The following MBTD1 variants were observed in gnomAD, a reference collection of about 807,000 sequenced individuals.
MBTD1 encodes MBT domain-containing protein 1.
Under a neutral mutation model 87.8 loss-of-function variants are expected in MBTD1, and 24 were observed. That is an observed-to-expected ratio of 0.27 (90% confidence interval 0.20 to 0.38). The LOEUF is 0.38. Among genes scored for constraint, MBTD1 ranks in the 10% least tolerant of loss-of-function variants. The probability of loss-of-function intolerance (pLI) is 1.00; values close to 1 mark genes in which losing one functional copy is unlikely to be tolerated. For synonymous variants in MBTD1, 237 were observed against 248.6 expected (o/e 0.95, Z 0.44); for missense variants, 436 against 760.2 (o/e 0.57, Z 5.02).
chr17:51,213,684 T>A (rs1031565860), intron 6 of MBTD1, among the ~76,000 whole-genome samples: 1 of 152,230 alleles, frequency 6.6e-6, no homozygotes, highest in African/African-American at 2.4e-5. Flanking sequence ...ATTTTAAAGA[T>A]GCCTTCTAGC....
chr17:51,220,550 C>A (rs966625686), intron 3 of MBTD1, 87 bp from the exon 4 acceptor site: 49 of 1,282,354 alleles, frequency 3.8e-5, no homozygotes, highest in Non-Finnish European at 4.7e-5. Flanking sequence ...CTCCTGCCAT[C>A]TGAAAGTTTT....
chr17:51,241,267 C>A (rs2054146630), intron 2 of MBTD1, among the ~76,000 whole-genome samples: 1 of 152,124 alleles, frequency 6.6e-6, no homozygotes, highest in Admixed American at 6.5e-5. Flanking sequence ...AGCTGCTGCA[C>A]CTGGCTGGTG....
chr17:51,234,978 G>A (rs1598402233), intron 2 of MBTD1, among the ~76,000 whole-genome samples: 1 of 151,932 alleles, frequency 6.6e-6, no homozygotes, highest in African/African-American at 2.4e-5. Context: ...TTACAGGCAT[G>A]AGCCACCACG....
At chr17:51,180,715 CAT>C in intron 16 of MBTD1, 21 bp from the exon 17 acceptor site, 7 of 1,314,888 alleles carry the variant, frequency 5.3e-6, no homozygotes, top group Non-Finnish European at 7.5e-6. Flanking sequence ...GAGAGAGAAA[CAT>C]ATGGGCATTA....
chr17:51,258,781 A>G (rs1014304422), intron 2 of MBTD1, among the ~76,000 whole-genome samples: 21 of 152,228 alleles, frequency 1.4e-4, no homozygotes, highest in African/African-American at 4.3e-4. Flanking sequence ...CGAAATTCCC[A>G]TATTGTAATT....
Position 51,259,921 on chromosome 17 carries a change from G to A in MBTD1, c.-199C>T, listed in dbSNP as rs545560015. On this transcript the variant is annotated 5_prime_UTR_variant, in exon 1 of 17. Transcript: ENST00000586178. ...CGCGGCGCCCCCTCCCCGGGCTGGG[G>A]GCAGGTGCCTCTCCCCGGGACTGCG... 47 of 1,225,852 alleles carry A rather than the reference G, an allele frequency of 3.8e-5. No homozygotes were observed. The African/African-American group carries it at 6.8e-4, about 18-fold the overall frequency. 75.9% of individuals were successfully genotyped at this position (1,225,852 alleles called of 1,614,324 possible).
chr17:51,259,050 G>A (rs947018560), intron 2 of MBTD1, 93 bp downstream of exon 2: 2 of 398,544 alleles, frequency 5.0e-6, no homozygotes, highest in Admixed American at 4.4e-5. Flanking sequence ...AGGGTAGGCA[G>A]ACAACAATTA....
chr17:51,254,848 C>G (rs1250633054), intron 2 of MBTD1, among the ~76,000 whole-genome samples: 1 of 152,190 alleles, frequency 6.6e-6, no homozygotes, highest in East Asian at 1.9e-4. Context: ...AAAATTAAGT[C>G]TGAAACATGC....
At chr17:51,253,132 T>C (rs1277027711) in intron 2 of MBTD1, among the ~76,000 whole-genome samples, 1 of 152,134 alleles carries the variant, frequency 6.6e-6, no homozygotes, top group Admixed American at 6.5e-5. Flanking sequence ...CATTAAAAAA[T>C]TAAGTTGGTA....
chr17:51,219,358 GTAGA>G (rs931789926), intron 4 of MBTD1, among the ~76,000 whole-genome samples: 5 of 152,182 alleles, frequency 3.3e-5, no homozygotes, highest in African/African-American at 1.2e-4. Context: ...CCTTCTTACA[GTAGA>G]TAGAACCAGT....
chr17:51,224,198 C>CT (rs1381466573), intron 3 of MBTD1, among the ~76,000 whole-genome samples: 1 of 152,150 alleles, frequency 6.6e-6, no homozygotes, highest in Non-Finnish European at 1.5e-5. Context: ...ACTTGTTACC[C>CT]TACTACCACA....
intron 4 of MBTD1, 23 bp from the exon 5 acceptor site, chr17:51,219,067 A>C (rs1318391167): frequency 7.8e-7 from 1 of 1,283,832 alleles, no homozygotes. Flanking sequence ...AAGTTAAGTA[A>C]ATAGGATTCT....
chr17:51,207,729 G>A (rs1568178220), intron 6 of MBTD1, among the ~76,000 whole-genome samples: 3 of 152,146 alleles, frequency 2.0e-5, no homozygotes, highest in Non-Finnish European at 2.9e-5. Context: ...GCATCATGAA[G>A]GGATTTTCTG....
At chr17:51,260,712 C>T (rs2055430519), upstream of MBTD1, 1 of 1,600,468 alleles carries the variant, frequency 6.2e-7, no homozygotes, top group Middle Eastern at 1.8e-4. Context: ...CAAAAGCCTG[C>T]CCCTTCATCC....
intron 2 of MBTD1, among the ~76,000 whole-genome samples, chr17:51,230,716 C>A (rs1054778530): frequency 7.2e-6 from 1 of 139,258 alleles, no homozygotes; most frequent in African/African-American, 2.6e-5. Flanking sequence ...TGGCTGGCAC[C>A]CAGTGTGAAA....
chr17:51,259,227 T>C, intron 1 of MBTD1, 21 bp from the exon 2 acceptor site: 2 of 1,229,536 alleles, frequency 1.6e-6, no homozygotes, highest in Non-Finnish European at 1.0e-6. Context: ...AGGATTCTTA[T>C]TTCACAAAGG....
At position 51,179,132 on chromosome 17, in the gene MBTD1, G is replaced by T. The variant is rs2050188192; in HGVS notation, c.*1444C>A. 1 of 151,944 alleles carries T rather than the reference G, an allele frequency of 6.6e-6. No individual in the cohort carries two copies. The highest frequency in any genetic ancestry group is 2.4e-5 in the African/African-American group (1 of 41,362). 9.4% of individuals were successfully genotyped at this position (151,944 alleles called of 1,614,324 possible). ...ATTCCATAGGCTGAAGGACTGTAGAGGTTAATCATTTTGATTAATTTCTAA... is the reference window on the plus strand; with the variant it reads ...ATTCCATAGGCTGAAGGACTGTAGATGTTAATCATTTTGATTAATTTCTAA... On this transcript the variant is annotated 3_prime_UTR_variant, in exon 17 of 17. Transcript: ENST00000586178.
chr17:51,259,072 A>T (rs1329169056), intron 2 of MBTD1, 71 bp downstream of exon 2: 1 of 401,438 alleles, frequency 2.5e-6, no homozygotes, highest in East Asian at 3.6e-5. Context: ...AACTACTGAA[A>T]TATGGGCTTT....
chr17:51,225,427 C>T (rs2053156060), intron 2 of MBTD1, among the ~76,000 whole-genome samples: 1 of 151,756 alleles, frequency 6.6e-6, no homozygotes, highest in African/African-American at 2.4e-5. Context: ...TCTTCGGTCA[C>T]TGCAACCTCC....
Sources: gnomAD v4.1 joint callset for allele counts (sites outside exome capture counted in the v4.1 genomes callset) on GRCh38, gnomAD v4.1.1 for gene constraint, MANE v1.5 for transcripts, NCBI Gene and HGNC (gene_info 2026-07-23, HGNC 2026-07-21) for gene names.